Variants in ANKS1B observed in about 807,000 individuals in gnomAD.
ANKS1B encodes ankyrin repeat and sterile alpha motif domain-containing protein 1B.
Under a neutral mutation model 148.3 loss-of-function variants are expected in ANKS1B, and 36 were observed. The ratio of observed to expected loss-of-function variants is 0.24; its 90% CI spans 0.19 to 0.32. The LOEUF (loss-of-function observed/expected upper bound fraction) is 0.32. ANKS1B is among the 10% of genes least tolerant of loss of function. The pLI is 1.00. For missense variants in ANKS1B, 1,157 were observed against 1,542.6 expected, an observed-to-expected ratio of 0.75 and a Z score of 4.19; for synonymous variants, 542 against 560.8, an observed-to-expected ratio of 0.97 and a Z score of 0.47.
intron 24 of ANKS1B, among the ~76,000 whole-genome samples, chr12:98,780,607 C>A (rs1227544976): frequency 6.6e-6 from 1 of 152,100 alleles, no homozygotes; most frequent in African/African-American, 2.4e-5. Flanking sequence ...ATCTCAGAGG[C>A]TGGGAATTAA....
At chr12:99,634,506 A>G (rs1030310990) in intron 9 of ANKS1B, among the ~76,000 whole-genome samples, 9 of 152,230 alleles carry the variant, frequency 5.9e-5, no homozygotes, top group African/African-American at 2.2e-4. Context: ...ATAGGCTAAT[A>G]TATCTATTTA....
chr12:98,884,284 T>C (rs1164546852), intron 17 of ANKS1B, among the ~76,000 whole-genome samples: 1 of 152,234 alleles, frequency 6.6e-6, no homozygotes, highest in Non-Finnish European at 1.5e-5. Context: ...CATTAACCTG[T>C]TATTTTTATT....
chr12:99,729,745 A>G (rs2058955260), intron 8 of ANKS1B, among the ~76,000 whole-genome samples: 1 of 152,170 alleles, frequency 6.6e-6, no homozygotes, highest in Non-Finnish European at 1.5e-5. Flanking sequence ...GTAATACATC[A>G]TGGCAACTCT....
intron 10 of ANKS1B, among the ~76,000 whole-genome samples, chr12:99,466,839 C>T (rs571188582): frequency 1.7e-4 from 26 of 151,876 alleles, no homozygotes; most frequent in African/African-American, 4.8e-4. Flanking sequence ...GATGGATTCA[C>T]AGTCGAATTC....
intron 25 of ANKS1B, among the ~76,000 whole-genome samples, chr12:98,757,101 T>C (rs1446623777): frequency 6.6e-6 from 1 of 151,206 alleles, no homozygotes; most frequent in African/African-American, 2.4e-5. Flanking sequence ...GCTATGAGAA[T>C]GCCTGAGCTA....
At chr12:99,039,916 T>C (rs1274809592) in intron 17 of ANKS1B, among the ~76,000 whole-genome samples, 2 of 152,212 alleles carry the variant, frequency 1.3e-5, no homozygotes, top group Non-Finnish European at 2.9e-5. Context: ...ATCAGACTAG[T>C]TCACAGTAAG....
intron 12 of ANKS1B, among the ~76,000 whole-genome samples, chr12:99,308,141 G>A (rs903587592): frequency 1.3e-5 from 2 of 151,956 alleles, no homozygotes; most frequent in African/African-American, 4.8e-5. Flanking sequence ...TTAAAAAATG[G>A]ATTTAAATAT....
rs556193181 is a variant in ANKS1B, at chr12:99,148,554, G to A, written c.2526+5735C>T. 2.6e-5 allele frequency among the ~76,000 whole-genome samples: 4 copies of A among 152,164 alleles called. No homozygotes were observed. The South Asian group carries it at 8.3e-4, about 32-fold the overall frequency. ...ACAAGAACAATTAGTAGCTCTGCCA[G>A]CGCCAATATTGTACTTGCCTCTTTA... is the stretch of plus-strand genomic sequence containing the variant. On this transcript the variant is annotated intron_variant, in intron 15 of 26. Transcript: ENST00000683438.
At chr12:99,079,183 C>T (rs2048834750) in intron 16 of ANKS1B, among the ~76,000 whole-genome samples, 1 of 152,146 alleles carries the variant, frequency 6.6e-6, no homozygotes, top group East Asian at 1.9e-4. Context: ...CAACATTGTA[C>T]CTGGATTCCT....
At chr12:98,852,190 A>G (rs1282160763) in intron 17 of ANKS1B, among the ~76,000 whole-genome samples, 2 of 152,150 alleles carry the variant, frequency 1.3e-5, no homozygotes, top group Non-Finnish European at 2.9e-5. Flanking sequence ...AGGCTCAGCA[A>G]TTAGAACTTG....
chr12:99,447,300 T>C (rs532579825), intron 10 of ANKS1B, among the ~76,000 whole-genome samples: 61 of 152,138 alleles, frequency 4.0e-4, no homozygotes, highest in South Asian at 1.2e-3. Flanking sequence ...TCTCACACTA[T>C]ATACAAAAAC....
chr12:99,211,152 G>T (rs117785039), intron 14 of ANKS1B, among the ~76,000 whole-genome samples: 9 of 152,182 alleles, frequency 5.9e-5, no homozygotes, highest in African/African-American at 2.2e-4. Context: ...TAATGCCCCT[G>T]GGGGAGCATG....
At chr12:99,051,486 G>A (rs1300553794) in intron 17 of ANKS1B, among the ~76,000 whole-genome samples, 1 of 152,188 alleles carries the variant, frequency 6.6e-6, no homozygotes, top group Non-Finnish European at 1.5e-5. Context: ...TTGGAAGATT[G>A]TTTGGTTGAT....
intron 1 of ANKS1B, among the ~76,000 whole-genome samples, chr12:99,840,110 T>C (rs1018046004): frequency 3.3e-5 from 5 of 152,006 alleles, no homozygotes; most frequent in Non-Finnish European, 7.4e-5. Context: ...ACAAACAATA[T>C]ACAAATGAAT....
intron 10 of ANKS1B, among the ~76,000 whole-genome samples, chr12:99,458,197 A>C (rs1189646648): frequency 6.6e-6 from 1 of 152,120 alleles, no homozygotes; most frequent in East Asian, 1.9e-4. Flanking sequence ...CAATGAAATC[A>C]ATATGAAAAT....
rs77415286 is a variant in ANKS1B, at chr12:98,838,546, C to T, written c.2779-6410G>A. Reference sequence around the variant, plus strand: ...AATTCTTCAGAGAGTACACATGCAGCGATGCTGGGCACACAAGCGATTCTA... The same window carrying T: ...AATTCTTCAGAGAGTACACATGCAGTGATGCTGGGCACACAAGCGATTCTA... On this transcript the variant is annotated intron_variant, in intron 17 of 26. Coordinates refer to ENST00000683438, the MANE Select transcript of ANKS1B (RefSeq NM_001352186.2). 9.2e-5 allele frequency among the ~76,000 whole-genome samples: 14 copies of T among 152,320 alleles called. No homozygotes were observed. In the East Asian group the frequency reaches 1.9e-3, roughly 21 times the overall value.
intron 8 of ANKS1B, among the ~76,000 whole-genome samples, chr12:99,763,861 T>A (rs929410824): frequency 6.6e-6 from 1 of 152,228 alleles, no homozygotes; most frequent in Non-Finnish European, 1.5e-5. Context: ...TAATACAGGA[T>A]ATCCTTCTCA....
At chr12:99,507,601 C>G (rs1297775870) in intron 9 of ANKS1B, among the ~76,000 whole-genome samples, 2 of 151,918 alleles carry the variant, frequency 1.3e-5, no homozygotes, top group Non-Finnish European at 2.9e-5. Flanking sequence ...GAAGTACTCC[C>G]TCTTCTGCTT....
Position 99,237,357 on chromosome 12 carries a change from TG to T in ANKS1B, c.2419+6984del, listed in dbSNP as rs796180454. On this transcript the variant is annotated intron_variant, in intron 14 of 26. Transcript: ENST00000683438. ...GTGTGTGTATGTGTTTGTGTGTGTC[TG>T]GGGGCTCCACACACATTTGGTGTCA... 1.1e-3 allele frequency among the ~76,000 whole-genome samples: 171 copies of T among 152,218 alleles called. 1 individual carries two copies. Among genetic ancestry groups the T allele is most frequent in the African/African-American group, 3.9e-3 (163 of 41,530 alleles).
Sources: allele counts gnomAD v4.1 joint callset (sites outside exome capture counted in the v4.1 genomes callset), GRCh38; gene constraint gnomAD v4.1.1; transcripts MANE v1.5; gene names NCBI Gene and HGNC (gene_info 2026-07-23, HGNC 2026-07-21).